Variants in SMARCAL1 observed in about 807,000 individuals in gnomAD.
The protein encoded by SMARCAL1 is ATP-driven annealing helicase.
SMARCAL1 carries 58 observed loss-of-function variants against 94.5 expected under a neutral mutation model. The observed-to-expected ratio is 0.61, with a 90% CI of 0.50 to 0.76. The LOEUF is 0.76. Ranked by LOEUF, SMARCAL1 falls within the 30% of genes least tolerant of loss-of-function variation. SMARCAL1 has a pLI of 0.00. For missense variants in SMARCAL1, 1,051 were observed against 1,177.9 expected (o/e 0.89, Z 1.58); for synonymous variants, 422 against 455.1 (o/e 0.93, Z 0.93).
chr2:216,416,066 C>CCACTACAT (rs1693593923), intron 3 of SMARCAL1, 191 bp from the exon 4 acceptor site: 1 of 574,780 alleles, frequency 1.7e-6, no homozygotes, highest in Admixed American at 2.4e-5. Context: ...GAGTTGGATT[C>CCACTACAT]CACTACATGG....
At chr2:216,470,838 C>CAAAAAAAAAAAA (rs55763206) in intron 14 of SMARCAL1, among the ~76,000 whole-genome samples, 3 of 48,070 alleles carry the variant, frequency 6.2e-5, no homozygotes, top group Non-Finnish European at 9.9e-5. Flanking sequence ...AAGAACATCT[C>CAAAAAAAAAAAA]AAAAAAAAAA....
In SMARCAL1 at chr2:216,464,301, G is replaced by A. The variant is rs74434188; in HGVS notation, c.2071-296G>A. On this transcript the variant is annotated intron_variant, in intron 12 of 17. Coordinates refer to ENST00000357276, the MANE Select transcript of SMARCAL1 (RefSeq NM_014140.4). ...ACATGGGTCTGGTGTGTATGGTGAA[G>A]CCCTACCTGAAATGCGTCTCCAAAG... Among the ~76,000 whole-genome samples the A allele has an allele frequency of 0.015, 2,312 of 152,290 alleles. 58 individuals are homozygous for A. The highest frequency in any genetic ancestry group is 0.053 in the African/African-American group (2,190 of 41,556).
chr2:216,449,832 T>A (rs1490194786), intron 11 of SMARCAL1, among the ~76,000 whole-genome samples: 1 of 150,996 alleles, frequency 6.6e-6, no homozygotes, highest in Admixed American at 6.6e-5. Context: ...GGGTTTTTAA[T>A]GGTAATGGCT....
At chr2:216,479,428 G>T (rs2106091202) in intron 17 of SMARCAL1, among the ~76,000 whole-genome samples, 1 of 146,522 alleles carries the variant, frequency 6.8e-6, no homozygotes, top group Non-Finnish European at 1.5e-5. Flanking sequence ...GCAAGAGCCT[G>T]CCTCAAAAAA....
intron 12 of SMARCAL1, among the ~76,000 whole-genome samples, chr2:216,453,988 CTG>C (rs1447228787): frequency 3.9e-5 from 6 of 152,202 alleles, no homozygotes; most frequent in African/African-American, 1.4e-4. Flanking sequence ...GGAAAGCTGA[CTG>C]TAATCATCTT....
At chr2:216,425,968 G>A (rs1302020046) in intron 6 of SMARCAL1, among the ~76,000 whole-genome samples, 1 of 152,194 alleles carries the variant, frequency 6.6e-6, no homozygotes, top group Admixed American at 6.5e-5. Flanking sequence ...TGCCTAGGAA[G>A]TTGTCTGCCT....
At chr2:216,431,157 G>A (rs1693955362) in intron 7 of SMARCAL1, among the ~76,000 whole-genome samples, 1 of 152,364 alleles carries the variant, frequency 6.6e-6, no homozygotes, top group Middle Eastern at 3.4e-3. Context: ...CTGGCTTCGG[G>A]CTGCCTGGGG....
chr2:216,435,617 A>G (rs1694064163), intron 9 of SMARCAL1, 121 bp downstream of exon 9: 1 of 881,998 alleles, frequency 1.1e-6, no homozygotes, highest in Admixed American at 2.0e-5. Context: ...GAAGAATAGA[A>G]ATCACTGTCT....
At chr2:216,456,213 A>G (rs372289023) in intron 12 of SMARCAL1, among the ~76,000 whole-genome samples, 1 of 152,216 alleles carries the variant, frequency 6.6e-6, no homozygotes, top group Non-Finnish European at 1.5e-5. Flanking sequence ...CCAAATCTAC[A>G]TCTGATTGGT....
chr2:216,453,910 T>C (rs967716069), intron 12 of SMARCAL1, among the ~76,000 whole-genome samples: 10 of 152,232 alleles, frequency 6.6e-5, no homozygotes, highest in Admixed American at 2.6e-4. Context: ...ATTTATAGAA[T>C]GTAATGTATA....
intron 4 of SMARCAL1, among the ~76,000 whole-genome samples, chr2:216,417,769 A>G (rs1399879359): frequency 6.6e-6 from 1 of 152,154 alleles, no homozygotes; most frequent in East Asian, 1.9e-4. Flanking sequence ...AAGATTGCAG[A>G]TTTTGACACC....
Position 216,415,235 on chromosome 2 carries a change from A to C in SMARCAL1, c.531A>C (p.Pro177=). The C allele has an allele frequency of 3.7e-6, 6 of 1,614,244 alleles. No individual in the cohort carries two copies. The highest frequency in any genetic ancestry group is 5.1e-6 in the Non-Finnish European group (6 of 1,180,034). Reference sequence around the variant, plus strand: ...AACCAAAGAGTTCCCAAGAGACACCAGCTCATTCCTCTGGACAGCCTCCCA... The same window carrying C: ...AACCAAAGAGTTCCCAAGAGACACCCGCTCATTCCTCTGGACAGCCTCCCA... The part of the protein sequence containing the change: ...LAKPKSSQET[P]AHSSGQPPRD... Residue 177 remains proline (P), a synonymous_variant, in exon 3 of 18, where the codon CCA becomes CCC. Coordinates refer to ENST00000357276, the MANE Select transcript of SMARCAL1 (RefSeq NM_014140.4).
chr2:216,479,252 C>T (rs1350492635), intron 17 of SMARCAL1: 3 of 152,194 alleles, frequency 2.0e-5, no homozygotes, highest in African/African-American at 7.2e-5. Context: ...TGAAGCACCT[C>T]CTCCTTCCTG....
At chr2:216,457,101 C>T (rs1694583953) in intron 12 of SMARCAL1, among the ~76,000 whole-genome samples, 2 of 148,408 alleles carry the variant, frequency 1.3e-5, no homozygotes, top group South Asian at 4.2e-4. Context: ...AAGGCCGTTA[C>T]ATAATGGTAA....
chr2:216,440,440 T>C (rs1461008738), intron 10 of SMARCAL1, among the ~76,000 whole-genome samples: 2 of 152,222 alleles, frequency 1.3e-5, no homozygotes, highest in African/African-American at 2.4e-5. Flanking sequence ...TATACCTCTT[T>C]AATATCTTGA....
chr2:216,450,352 T>A (rs1198871431), intron 11 of SMARCAL1, among the ~76,000 whole-genome samples: 1 of 152,352 alleles, frequency 6.6e-6, no homozygotes. Flanking sequence ...ATATTGTACT[T>A]GTTTGTGCTG....
intron 12 of SMARCAL1, chr2:216,451,412 T>C: frequency 3.0e-6 from 1 of 335,784 alleles, no homozygotes; most frequent in Non-Finnish European, 5.8e-6. Context: ...GTAACAGTTG[T>C]TAGAAAATTA....
chr2:216,480,985 T>C (rs1469350176), intron 17 of SMARCAL1, among the ~76,000 whole-genome samples: 1 of 152,126 alleles, frequency 6.6e-6, no homozygotes, highest in Non-Finnish European at 1.5e-5. Flanking sequence ...CCAAGTGATG[T>C]GGCCCAAGTA....
At chr2:216,469,391 C>T (rs923420290) in intron 14 of SMARCAL1, among the ~76,000 whole-genome samples, 1 of 150,436 alleles carries the variant, frequency 6.6e-6, no homozygotes, top group Non-Finnish European at 1.5e-5. Context: ...AAGCTATTCT[C>T]CTGTCTCAGC....
Sources: allele counts gnomAD v4.1 joint callset (sites outside exome capture counted in the v4.1 genomes callset), GRCh38; gene constraint gnomAD v4.1.1; transcripts MANE v1.5; gene names NCBI Gene and HGNC (gene_info 2026-07-23, HGNC 2026-07-21).